Variants in PCNX1 observed in about 807,000 individuals in gnomAD.
PCNX1 encodes the protein pecanex 1.
In PCNX1, 78 loss-of-function variants were observed where a neutral mutation model predicts 242.2. The observed-to-expected ratio is 0.32, with a 90% CI of 0.27 to 0.39. PCNX1 has a LOEUF of 0.39. Among genes scored for constraint, PCNX1 ranks in the 10% least tolerant of loss-of-function variants. The probability of loss-of-function intolerance (pLI) is 1.00; values close to 1 mark genes in which losing one functional copy is unlikely to be tolerated. For missense variants in PCNX1, 2,581 were observed against 2,856.5 expected, an observed-to-expected ratio of 0.90 and a Z score of 2.20; for synonymous variants, 1,024 against 1,032.9, an observed-to-expected ratio of 0.99 and a Z score of 0.17.
intron 1 of PCNX1, among the ~76,000 whole-genome samples, chr14:70,937,788 T>C (rs1395612119): frequency 6.6e-6 from 1 of 152,232 alleles, no homozygotes; most frequent in Admixed American, 6.5e-5. Flanking sequence ...CTTCCATTTG[T>C]TTGTGTCCTT....
rs202221199 is a variant in PCNX1, at chr14:70,949,022, ATG to A, written c.362+1907_362+1908del. Among the ~76,000 whole-genome samples, 552 of 148,686 alleles carry A rather than the reference ATG, an allele frequency of 3.7e-3. 1 individual carries two copies. Among genetic ancestry groups the A allele is most frequent in the African/African-American group, 0.013 (518 of 40,926 alleles). Reference sequence around the variant, plus strand: ...ATTTTTATTTACTCGTATAAATAAAATGTGTGTGTATATATACACATGTATAT... The same window carrying A: ...ATTTTTATTTACTCGTATAAATAAAATGTGTGTATATATACACATGTATAT... On this transcript the variant is annotated intron_variant, in intron 2 of 35. Coordinates refer to ENST00000304743, the MANE Select transcript of PCNX1 (RefSeq NM_014982.3).
chr14:70,994,441 A>G (rs971282004), intron 7 of PCNX1, among the ~76,000 whole-genome samples: 7 of 142,880 alleles, frequency 4.9e-5, no homozygotes, highest in Non-Finnish European at 6.1e-5. Context: ...GTATGTATGT[A>G]TGTTTCAACA....
intron 1 of PCNX1, among the ~76,000 whole-genome samples, chr14:70,939,011 C>T (rs1489277142): frequency 6.6e-6 from 1 of 152,048 alleles, no homozygotes; most frequent in Non-Finnish European, 1.5e-5. Flanking sequence ...CTATTTGATT[C>T]TTCTGTCTTT....
At position 71,098,553 on chromosome 14, in the gene PCNX1, T is replaced by TGTGTGAGAGAGA. The variant is rs60367565; in HGVS notation, c.5590-3436_5590-3435insTGTGAGAGAGAG. Among the ~76,000 whole-genome samples, 511 of 125,694 alleles carry TGTGTGAGAGAGA rather than the reference T, an allele frequency of 4.1e-3. 5 individuals carry two copies. Among genetic ancestry groups the TGTGTGAGAGAGA allele is most frequent in the African/African-American group, 0.013 (420 of 31,674 alleles). 82.5% of individuals were successfully genotyped at this position (125,694 alleles called of 152,430 possible). A position where few individuals can be genotyped will look rare whatever the true frequency, so the allele number is the denominator to read the frequency against. The stretch of plus-strand genomic sequence containing the variant: ...GTGTGTGTGTGTGTGTGTGTGTGTG[T>TGTGTGAGAGAGA]GAGAGAGAGAGAGAGAACATTGTAG... On this transcript the variant is annotated intron_variant, in intron 30 of 35. Transcript: ENST00000304743.
intron 5 of PCNX1, among the ~76,000 whole-genome samples, chr14:70,975,573 G>C (rs1389330801): frequency 6.6e-6 from 1 of 152,074 alleles, no homozygotes; most frequent in Non-Finnish European, 1.5e-5. Context: ...ATTCTACTGG[G>C]AAGACTCAGA....
rs1566644994 is a variant in PCNX1 at position 70,976,377 on chromosome 14, T to TTC, written c.605-564_605-563insCT. On this transcript the variant is annotated intron_variant, in intron 5 of 35. Coordinates refer to ENST00000304743, the MANE Select transcript of PCNX1 (RefSeq NM_014982.3). ...TGCTCTTTCTTTCTTTCTTTCTTTT[T>TTC]TTTTTTTTTTTTTGAGACAGAGTCC... Among the ~76,000 whole-genome samples, 959 of 149,384 alleles carry TTC rather than the reference T, an allele frequency of 6.4e-3. 13 individuals carry two copies. The highest frequency in any genetic ancestry group is 0.022 in the African/African-American group (900 of 40,650).
At chr14:71,089,367 T>G (rs1192275601) in intron 30 of PCNX1, 25 bp downstream of exon 30, 11 of 1,564,952 alleles carry the variant, frequency 7.0e-6, no homozygotes, top group Non-Finnish European at 5.3e-6. Flanking sequence ...TTTTTCTAAT[T>G]CATTACTGGT....
At chr14:71,085,059 C>T (rs1266010023) in intron 28 of PCNX1, among the ~76,000 whole-genome samples, 2 of 152,188 alleles carry the variant, frequency 1.3e-5, no homozygotes, top group Non-Finnish European at 2.9e-5. Context: ...CTGTTCCTCA[C>T]GGCACGGTCC....
rs562993368 is a variant in PCNX1, at chr14:70,963,833, T to G, written c.468+1502T>G. ...AAGTTAGTATTCTAGTTAAATTCTGTTTACTTAAAGAATACAGATACAAAT... is the reference window on the plus strand; with the variant it reads ...AAGTTAGTATTCTAGTTAAATTCTGGTTACTTAAAGAATACAGATACAAAT... On this transcript the variant is annotated intron_variant, in intron 3 of 35. Coordinates refer to ENST00000304743, the MANE Select transcript of PCNX1 (RefSeq NM_014982.3). Among the ~76,000 whole-genome samples, 20 of 152,322 alleles carry G rather than the reference T, an allele frequency of 1.3e-4. No individual in the cohort carries two copies. The East Asian group carries it at 3.7e-3, about 28-fold the overall frequency.
intron 8 of PCNX1, among the ~76,000 whole-genome samples, chr14:70,997,464 A>C (rs1269677608): frequency 1.3e-5 from 2 of 152,164 alleles, no homozygotes; most frequent in East Asian, 3.9e-4. Context: ...TTTAATGATA[A>C]AGTCTCATTC....
In PCNX1 at chr14:71,010,400, G is replaced by A. The variant is rs2059791159; in HGVS notation, c.2720+676G>A. ...AATTTTATTTCCTTCTAAGTGTTTG[G>A]TCAAGTACCTTTTTAAATAATCAAC... On this transcript the variant is annotated intron_variant, in intron 9 of 35. Coordinates refer to ENST00000304743, the MANE Select transcript of PCNX1 (RefSeq NM_014982.3). Among the ~76,000 whole-genome samples the A allele has an allele frequency of 2.0e-5, 3 of 151,760 alleles. No homozygotes were observed. The South Asian group carries it at 6.2e-4, about 32-fold the overall frequency.
rs2062762151 is a variant in PCNX1 at position 71,112,005 on chromosome 14, A to T, written c.*2070A>T. 1 of 152,588 alleles carries T rather than the reference A, an allele frequency of 6.6e-6. No homozygotes were observed. Among genetic ancestry groups the T allele is most frequent in the East Asian group, 1.9e-4 (1 of 5,184 alleles). 9.5% of individuals were successfully genotyped at this position (152,588 alleles called of 1,614,324 possible). A position where few individuals can be genotyped will look rare whatever the true frequency, so the allele number is the denominator to read the frequency against. ...GGTTTTTTTCTGAAACTGAATTTAT[A>T]ATCTATTTCTCTGTATACGTATATT... On this transcript the variant is annotated 3_prime_UTR_variant, in exon 36 of 36. Coordinates refer to ENST00000304743, the MANE Select transcript of PCNX1 (RefSeq NM_014982.3).
At chr14:71,072,283 ATTTTTAGGCAGTATCATATAAAATGGTC>A (rs1355360492) in intron 26 of PCNX1, among the ~76,000 whole-genome samples, 1 of 152,202 alleles carries the variant, frequency 6.6e-6, no homozygotes, top group Non-Finnish European at 1.5e-5. Flanking sequence ...ATGCCTGTAT[ATTTTTAGGCAGTATCATATAAAATGGTC>A]ACCCACAGCA....
chr14:70,998,144 T>C (rs910293613), intron 8 of PCNX1, among the ~76,000 whole-genome samples: 1 of 152,190 alleles, frequency 6.6e-6, no homozygotes, highest in Non-Finnish European at 1.5e-5. Context: ...AAACTCTGAA[T>C]CAGACATTGT....
chr14:70,963,307 A>T (rs2058278088), intron 3 of PCNX1, among the ~76,000 whole-genome samples: 1 of 152,204 alleles, frequency 6.6e-6, no homozygotes, highest in African/African-American at 2.4e-5. Flanking sequence ...ATGGCACTTT[A>T]CAAGGCTCTA....
At chr14:70,953,756 G>C (rs2057886004) in intron 2 of PCNX1, among the ~76,000 whole-genome samples, 1 of 147,984 alleles carries the variant, frequency 6.8e-6, no homozygotes, top group African/African-American at 2.5e-5. Context: ...TGCAACCTCT[G>C]CCTCCTGGAT....
intron 2 of PCNX1, among the ~76,000 whole-genome samples, chr14:70,948,627 A>C (rs970334741): frequency 1.3e-5 from 2 of 151,106 alleles, no homozygotes; most frequent in South Asian, 4.2e-4. Flanking sequence ...ATATATACAC[A>C]TATATAGTTG....
At chr14:70,953,997 C>A (rs535138927) in intron 2 of PCNX1, among the ~76,000 whole-genome samples, 1 of 152,120 alleles carries the variant, frequency 6.6e-6, no homozygotes, top group East Asian at 1.9e-4. Context: ...ATTTTCTACA[C>A]GGAGATCAGA....
At chr14:71,106,309 C>A (rs142432521) in intron 33 of PCNX1, among the ~76,000 whole-genome samples, 1 of 152,186 alleles carries the variant, frequency 6.6e-6, no homozygotes, top group Non-Finnish European at 1.5e-5. Flanking sequence ...TGAGCCACCA[C>A]GCCCAGCTGA....
Sources: gnomAD v4.1 joint callset for allele counts (sites outside exome capture counted in the v4.1 genomes callset) on GRCh38, gnomAD v4.1.1 for gene constraint, MANE v1.5 for transcripts, NCBI Gene and HGNC (gene_info 2026-07-23, HGNC 2026-07-21) for gene names.